The following CNTNAP4 variants were observed in gnomAD, a reference collection of about 807,000 sequenced individuals.
The protein encoded by CNTNAP4 is contactin associated protein family member 4.
A neutral mutation model predicts 148.4 loss-of-function variants in CNTNAP4; 98 were observed. The observed-to-expected ratio is 0.66, with a 90% CI of 0.56 to 0.78. The LOEUF is 0.78. Among genes scored for constraint, CNTNAP4 ranks in the 30% least tolerant of loss-of-function variants. The probability of loss-of-function intolerance (pLI) is 0.00; values close to 1 mark genes in which losing one functional copy is unlikely to be tolerated. For synonymous variants in CNTNAP4, 730 were observed against 565.1 expected (o/e 1.29, Z -4.14); for missense variants, 1,935 against 1,565.6 (o/e 1.24, Z -3.98).
chr16:76,431,639 A>T (rs891447819), intron 4 of CNTNAP4, among the ~76,000 whole-genome samples: 2 of 152,096 alleles, frequency 1.3e-5, no homozygotes. Context: ...AAATCATCCC[A>T]CTGCACTTCA....
chr16:76,545,373 A>G (rs2084666354), intron 21 of CNTNAP4, among the ~76,000 whole-genome samples: 1 of 152,168 alleles, frequency 6.6e-6, no homozygotes, highest in African/African-American at 2.4e-5. Context: ...TCCAAATCCA[A>G]AAAGTATTCA....
chr16:76,334,095 T>C (rs1212277284), intron 2 of CNTNAP4, among the ~76,000 whole-genome samples: 1 of 151,942 alleles, frequency 6.6e-6, no homozygotes, highest in Non-Finnish European at 1.5e-5. Flanking sequence ...GACGAGTTAA[T>C]GGATGCAGCA....
intron 2 of CNTNAP4, among the ~76,000 whole-genome samples, chr16:76,349,875 G>A (rs546187559): frequency 6.6e-5 from 10 of 151,906 alleles, no homozygotes; most frequent in African/African-American, 2.2e-4. Context: ...TTGATACGTC[G>A]CCTTTACTGA....
intron 9 of CNTNAP4, 147 bp downstream of exon 9, chr16:76,462,252 C>G (rs146164154): frequency 4.3e-6 from 3 of 704,512 alleles, no homozygotes; most frequent in Non-Finnish European, 6.7e-6. Context: ...TTGGGTGGAT[C>G]AAGTCGAAAA....
chr16:76,429,626 G>A (rs1376725228), intron 4 of CNTNAP4, among the ~76,000 whole-genome samples: 2 of 152,028 alleles, frequency 1.3e-5, no homozygotes, highest in Non-Finnish European at 2.9e-5. Flanking sequence ...CTGTTTTGCT[G>A]GCTCTAAAGC....
At chr16:76,302,976 A>G (rs1240894421) in intron 1 of CNTNAP4, among the ~76,000 whole-genome samples, 1 of 152,162 alleles carries the variant, frequency 6.6e-6, no homozygotes, top group African/African-American at 2.4e-5. Flanking sequence ...AAGAGTCCAG[A>G]GCTTAGAATG....
chr16:76,548,027 G>A (rs1413039495), intron 21 of CNTNAP4, among the ~76,000 whole-genome samples: 1 of 152,190 alleles, frequency 6.6e-6, no homozygotes, highest in Non-Finnish European at 1.5e-5. Context: ...GAAAGCAAAA[G>A]GGAAATACCT....
chr16:76,290,080 G>A (rs1255636681), intron 1 of CNTNAP4, among the ~76,000 whole-genome samples: 3 of 152,092 alleles, frequency 2.0e-5, no homozygotes, highest in African/African-American at 7.2e-5. Flanking sequence ...TGGGCTCTGT[G>A]GACTCCAAGG....
intron 1 of CNTNAP4, among the ~76,000 whole-genome samples, chr16:76,311,733 A>G (rs1327879162): frequency 1.3e-5 from 2 of 152,242 alleles, no homozygotes; most frequent in Admixed American, 6.5e-5. Flanking sequence ...ACCCAGCTGC[A>G]TTTTTAATTG....
chr16:76,401,097 C>G (rs932627520), intron 3 of CNTNAP4, among the ~76,000 whole-genome samples: 1 of 152,012 alleles, frequency 6.6e-6, no homozygotes, highest in Admixed American at 6.6e-5. Flanking sequence ...AGTTTGATAA[C>G]AATAGTATTG....
At chr16:76,372,696 G>C (rs1016827901) in intron 3 of CNTNAP4, among the ~76,000 whole-genome samples, 1 of 152,120 alleles carries the variant, frequency 6.6e-6, no homozygotes, top group Non-Finnish European at 1.5e-5. Flanking sequence ...CCAGCCACAT[G>C]GAACTAAGTC....
intron 9 of CNTNAP4, among the ~76,000 whole-genome samples, chr16:76,462,594 C>T (rs576618591): frequency 6.6e-6 from 1 of 152,190 alleles, no homozygotes; most frequent in East Asian, 1.9e-4. Flanking sequence ...TGCACTGATA[C>T]ATTTGATGAA....
intron 3 of CNTNAP4, among the ~76,000 whole-genome samples, chr16:76,381,280 A>C (rs1262741542): frequency 6.6e-6 from 1 of 152,128 alleles, no homozygotes; most frequent in Non-Finnish European, 1.5e-5. Flanking sequence ...GATTGTTGAC[A>C]TGTCTTTGGA....
intron 4 of CNTNAP4, among the ~76,000 whole-genome samples, chr16:76,429,092 C>T (rs1007248046): frequency 9.2e-5 from 14 of 152,192 alleles, no homozygotes; most frequent in African/African-American, 3.4e-4. Flanking sequence ...CTCTCACTAT[C>T]TGTCCGCCTT....
At chr16:76,538,026 A>G (rs1412231778) in intron 18 of CNTNAP4, 90 bp from the exon 19 acceptor site, 1 of 536,022 alleles carries the variant, frequency 1.9e-6, no homozygotes. Context: ...TATGCAATTC[A>G]TTAAAGAAAC....
chr16:76,316,021 G>T (rs993378178), intron 1 of CNTNAP4, among the ~76,000 whole-genome samples: 1 of 152,068 alleles, frequency 6.6e-6, no homozygotes, highest in Admixed American at 6.6e-5. Context: ...TGTATACTGG[G>T]TTATAGGTTT....
intron 3 of CNTNAP4, among the ~76,000 whole-genome samples, chr16:76,357,775 T>G (rs1204316969): frequency 1.3e-5 from 2 of 152,224 alleles, no homozygotes; most frequent in African/African-American, 2.4e-5. Context: ...GCTCTTCTTT[T>G]TATTATATTC....
intron 4 of CNTNAP4, among the ~76,000 whole-genome samples, chr16:76,443,512 G>A (rs1042460495): frequency 5.9e-5 from 9 of 152,124 alleles, no homozygotes; most frequent in African/African-American, 2.2e-4. Flanking sequence ...GTTCACTTGA[G>A]CCTCGGAGGT....
intron 17 of CNTNAP4, among the ~76,000 whole-genome samples, chr16:76,528,259 T>G (rs1369481556): frequency 6.6e-6 from 1 of 152,102 alleles, no homozygotes. Flanking sequence ...TTTTTGAGAT[T>G]AACATTTTTT....
Sources: allele counts gnomAD v4.1 joint callset (sites outside exome capture counted in the v4.1 genomes callset), GRCh38; gene constraint gnomAD v4.1.1; transcripts MANE v1.5; gene names NCBI Gene and HGNC (gene_info 2026-07-23, HGNC 2026-07-21).